Variants in EYS observed in about 807,000 individuals in gnomAD.
EYS encodes the protein protein eyes shut homolog.
A neutral mutation model predicts 282.1 loss-of-function variants in EYS; 250 were observed. The ratio of observed to expected loss-of-function variants is 0.89; its 90% CI spans 0.80 to 0.98. The LOEUF (loss-of-function observed/expected upper bound fraction) is 0.98, where lower values mean the gene tolerates loss of function less well. EYS is among the 50% of genes least tolerant of loss of function. The pLI, the probability that EYS is intolerant of heterozygous loss-of-function variation, is 0.00. For missense variants in EYS, 4,016 were observed against 3,709.0 expected (o/e 1.08, Z -2.15); for synonymous variants, 1,355 against 1,282.9 (o/e 1.06, Z -1.20).
At chr6:64,819,225 G>A (rs931480733) in intron 21 of EYS, among the ~76,000 whole-genome samples, 3 of 151,986 alleles carry the variant, frequency 2.0e-5, no homozygotes, top group Non-Finnish European at 4.4e-5. Flanking sequence ...GAGCTGGTCA[G>A]GTAGGAAATA....
chr6:65,080,290 A>T (rs1774194537), intron 12 of EYS, among the ~76,000 whole-genome samples: 1 of 152,106 alleles, frequency 6.6e-6, no homozygotes, highest in South Asian at 2.1e-4. Flanking sequence ...AGTGTGAATG[A>T]TCTGGAAAGA....
Position 63,788,170 on chromosome 6 carries a change from C to G in EYS, c.7658G>C (p.Gly2553Ala). 6.5e-7 allele frequency: 1 copy of G among 1,548,888 alleles called. No homozygotes were observed. Among genetic ancestry groups the G allele is most frequent in the Non-Finnish European group, 8.7e-7 (1 of 1,145,850 alleles). The change falls in exon 39 of 43, where the codon GGT becomes GCT. Residue 2553 changes from glycine to alanine, a missense_variant. Coordinates refer to ENST00000503581, the MANE Select transcript of EYS (RefSeq NM_001142800.2). ...GLNVFSQFYV[G>A]GYSEYTPDLL... is the part of the protein sequence containing the mutation. ...ATCTGGAGTGTATTCACTGTAGCCACCTACATAAAACTGACTGAAGACATT... is the reference window on the plus strand; with the variant it reads ...ATCTGGAGTGTATTCACTGTAGCCAGCTACATAAAACTGACTGAAGACATT...
intron 36 of EYS, among the ~76,000 whole-genome samples, chr6:63,841,198 CTTAAG>C (rs1298553151): frequency 2.0e-5 from 3 of 152,058 alleles, no homozygotes; most frequent in Admixed American, 6.5e-5. Context: ...TAATTCTATA[CTTAAG>C]TTATCTTTAA....
intron 30 of EYS, among the ~76,000 whole-genome samples, chr6:64,296,713 TCTC>T (rs879340556): frequency 2.7e-5 from 4 of 150,306 alleles, no homozygotes; most frequent in Non-Finnish European, 5.9e-5. Flanking sequence ...TTCAAGCAAT[TCTC>T]CTGCCTCAGC....
At chr6:64,044,344 GC>G (rs1204687323) in intron 33 of EYS, among the ~76,000 whole-genome samples, 1 of 152,142 alleles carries the variant, frequency 6.6e-6, no homozygotes, top group Admixed American at 6.6e-5. Context: ...ATTTGCTACA[GC>G]CCTTGCATTA....
intron 41 of EYS, among the ~76,000 whole-genome samples, chr6:63,729,243 GC>G (rs763423672): frequency 2.9e-4 from 44 of 152,014 alleles, no homozygotes; most frequent in Non-Finnish European, 5.0e-4. Context: ...TATATATTTT[GC>G]AAATATTTTC....
intron 1 of EYS, among the ~76,000 whole-genome samples, chr6:65,696,611 A>G (rs1323542211): frequency 6.6e-6 from 1 of 151,860 alleles, no homozygotes; most frequent in East Asian, 1.9e-4. Context: ...AGATATGGAA[A>G]CCTCTTCAAA....
chr6:63,901,574 A>G (rs1305586628), intron 35 of EYS, among the ~76,000 whole-genome samples: 2 of 152,250 alleles, frequency 1.3e-5, no homozygotes, highest in African/African-American at 4.8e-5. Context: ...TAGACATACA[A>G]TAGTCACTGT....
intron 22 of EYS, among the ~76,000 whole-genome samples, chr6:64,810,402 G>A (rs149968902): frequency 5.9e-5 from 9 of 152,002 alleles, no homozygotes; most frequent in South Asian, 2.1e-4. Context: ...TGGCAATGAC[G>A]GAGATGAAAG....
At position 64,961,014 on chromosome 6, in the gene EYS, T is replaced by C. The variant is rs1024348744; in HGVS notation, c.2260-15100A>G. Among the ~76,000 whole-genome samples the C allele has an allele frequency of 2.6e-5, 4 of 152,338 alleles. No homozygotes were observed. In the South Asian group the frequency reaches 8.3e-4, roughly 32 times the overall value. On this transcript the variant is annotated intron_variant, in intron 14 of 42. Transcript: ENST00000503581. The stretch of plus-strand genomic sequence containing the variant: ...TTCTTCATTATGACTGCATAAACCA[T>C]AGTGTATGTGTACCACATTTTCTTT...
At chr6:65,259,639 TTTTG>T (rs148636102) in intron 12 of EYS, among the ~76,000 whole-genome samples, 23 of 152,192 alleles carry the variant, frequency 1.5e-4, no homozygotes, top group East Asian at 5.8e-4. Flanking sequence ...TATTGGTTTG[TTTTG>T]TTTGTTTGTT....
intron 41 of EYS, among the ~76,000 whole-genome samples, chr6:63,735,816 T>A (rs896133922): frequency 1.3e-5 from 2 of 152,236 alleles, no homozygotes; most frequent in Non-Finnish European, 2.9e-5. Flanking sequence ...ATTTCTTCAA[T>A]CTGGAACAGT....
intron 5 of EYS, among the ~76,000 whole-genome samples, chr6:65,406,608 G>C (rs1766749492): frequency 6.6e-6 from 1 of 151,956 alleles, no homozygotes; most frequent in South Asian, 2.1e-4. Context: ...GTGGGATAAC[G>C]ACTTAGCTTA....
intron 5 of EYS, among the ~76,000 whole-genome samples, chr6:65,442,667 T>A (rs985188761): frequency 6.6e-6 from 1 of 151,848 alleles, no homozygotes; most frequent in Non-Finnish European, 1.5e-5. Flanking sequence ...GGCAGGAGAA[T>A]TGTTTGAACC....
chr6:65,446,250 G>A (rs1197022884), intron 5 of EYS, among the ~76,000 whole-genome samples: 1 of 151,628 alleles, frequency 6.6e-6, no homozygotes, highest in Non-Finnish European at 1.5e-5. Flanking sequence ...ACAATAAAAT[G>A]TTAATACTTT....
chr6:65,229,939 A>G (rs934048397), intron 12 of EYS, among the ~76,000 whole-genome samples: 5 of 151,982 alleles, frequency 3.3e-5, no homozygotes, highest in African/African-American at 7.2e-5. Context: ...TCTATGACAC[A>G]TACATAAATA....
chr6:64,535,592 T>C (rs1280653126), intron 26 of EYS, among the ~76,000 whole-genome samples: 1 of 131,916 alleles, frequency 7.6e-6, no homozygotes, highest in Non-Finnish European at 1.6e-5. Context: ...AAAAAAAAAA[T>C]CAGCCAGTGT....
At chr6:65,683,483 T>C (rs1768903228) in intron 1 of EYS, among the ~76,000 whole-genome samples, 1 of 151,926 alleles carries the variant, frequency 6.6e-6, no homozygotes, top group African/African-American at 2.4e-5. Context: ...AACTGTCAGG[T>C]GCAAATTATC....
intron 12 of EYS, among the ~76,000 whole-genome samples, chr6:65,163,971 C>A (rs1226969928): frequency 6.6e-6 from 1 of 151,204 alleles, no homozygotes; most frequent in Non-Finnish European, 1.5e-5. Flanking sequence ...AGATGCATCC[C>A]TGAGACTAAA....
Sources: allele counts gnomAD v4.1 joint callset (sites outside exome capture counted in the v4.1 genomes callset), GRCh38; gene constraint gnomAD v4.1.1; transcripts MANE v1.5; gene names NCBI Gene and HGNC (gene_info 2026-07-23, HGNC 2026-07-21).